Variants in GID4 observed in about 807,000 individuals in gnomAD.
The protein encoded by GID4 is glucose-induced degradation protein 4 homolog.
GID4 carries 7 observed loss-of-function variants against 32.4 expected under a neutral mutation model. The ratio of observed to expected loss-of-function variants is 0.22; its 90% CI spans 0.12 to 0.41. GID4 has a LOEUF of 0.41. Ranked by LOEUF, GID4 falls within the 10% of genes least tolerant of loss-of-function variation. The probability of loss-of-function intolerance (pLI) is 1.00; values close to 1 mark genes in which losing one functional copy is unlikely to be tolerated. For synonymous variants in GID4, 166 were observed against 170.0 expected (o/e 0.98, Z 0.18); for missense variants, 309 against 400.0 (o/e 0.77, Z 1.94).
At chr17:18,065,091 G>A (rs2045048583) in intron 5 of GID4, 89 bp from the exon 6 acceptor site, 1 of 890,618 alleles carries the variant, frequency 1.1e-6, no homozygotes, top group African/African-American at 1.6e-5. Flanking sequence ...TGACTTGTTG[G>A]GTGCTCTGCT....
At chr17:18,046,074 AGGAGGTAGCT>A (rs2044850515) in intron 2 of GID4, among the ~76,000 whole-genome samples, 1 of 152,282 alleles carries the variant, frequency 6.6e-6, no homozygotes, top group Middle Eastern at 3.4e-3. Flanking sequence ...AGGAAGTGGA[AGGAGGTAGCT>A]GGACTGGCCC....
chr17:18,052,305 G>C (rs2044918797), intron 2 of GID4, among the ~76,000 whole-genome samples: 1 of 152,102 alleles, frequency 6.6e-6, no homozygotes, highest in Non-Finnish European at 1.5e-5. Flanking sequence ...CCTAAAGCAG[G>C]CCTCCTGAGC....
chr17:18,064,253 C>T (rs979217829), intron 5 of GID4, among the ~76,000 whole-genome samples: 7 of 152,160 alleles, frequency 4.6e-5, no homozygotes, highest in Non-Finnish European at 1.0e-4. Flanking sequence ...CTGTTTCCCA[C>T]AGCAGCTGCA....
At chr17:18,057,935 G>A (rs901346468) in intron 3 of GID4, among the ~76,000 whole-genome samples, 9 of 151,956 alleles carry the variant, frequency 5.9e-5, no homozygotes, top group East Asian at 1.9e-4. Context: ...CCGGGTTCAC[G>A]CCATTCTCCT....
rs968099683 is a variant in GID4, at chr17:18,054,097, C to T, written c.499-30C>T. ...AAGGTTAAAAACTCTCACTCAACAT[C>T]TTATTTTGATATTTGGGTTTTTACC... On this transcript the variant is annotated intron_variant, in intron 2 of 5. Coordinates refer to ENST00000268719, the MANE Select transcript of GID4 (RefSeq NM_024052.5). 2.3e-5 allele frequency: 28 copies of T among 1,241,538 alleles called. No individual in the cohort carries two copies. The Admixed American group carries it at 5.2e-4, about 23-fold the overall frequency. The allele number at this position is 1,241,538 out of a possible 1,614,324, so 76.9% of individuals were successfully genotyped here. A position where few individuals can be genotyped will look rare whatever the true frequency, so the allele number is the denominator to read the frequency against.
At position 18,067,720 on chromosome 17, in the gene GID4, A is replaced by G. The variant is rs1166803636; in HGVS notation, c.*2477A>G. 6.6e-6 allele frequency: 1 copy of G among 152,598 alleles called. No individual in the cohort carries two copies. The highest frequency in any genetic ancestry group is 2.1e-4 in the South Asian group (1 of 4,828). The allele number at this position is 152,598 out of a possible 1,614,324, so 9.5% of individuals were successfully genotyped here. On this transcript the variant is annotated 3_prime_UTR_variant, in exon 6 of 6. Coordinates refer to ENST00000268719, the MANE Select transcript of GID4 (RefSeq NM_024052.5). ...TTACATGCCTCTGAAACTATGTGCA[A>G]TATTTTTGGTTGACACTTGTATCCA...
Position 18,039,418 on chromosome 17 carries a change from CTG to C in GID4, c.-39_-38del, listed in dbSNP as rs1302966349. On this transcript the variant is annotated 5_prime_UTR_variant, in exon 1 of 6. Coordinates refer to ENST00000268719, the MANE Select transcript of GID4 (RefSeq NM_024052.5). The surrounding 1 kb of genome is among the most constrained non-coding windows in gnomAD (Gnocchi z 5.3). ...CGGAAGGGGCGGGGTGTGTGTGTGT[CTG>C]TGTGTGTTTGTGTGTTGTGTGTCTG... 2.4e-6 allele frequency: 3 copies of C among 1,264,508 alleles called. No individual in the cohort carries two copies. The highest frequency in any genetic ancestry group is 3.0e-5 in the Admixed American group (1 of 33,080). 78.3% of individuals were successfully genotyped at this position (1,264,508 alleles called of 1,614,324 possible).
At chr17:18,058,835 A>T in intron 3 of GID4, 33 bp from the exon 4 acceptor site, 1 of 1,329,516 alleles carries the variant, frequency 7.5e-7, no homozygotes. Context: ...TCCTTCTCTC[A>T]GTCAATCGGC....
chr17:18,049,523 C>A (rs2044889150), intron 2 of GID4, among the ~76,000 whole-genome samples: 1 of 152,024 alleles, frequency 6.6e-6, no homozygotes, highest in Admixed American at 6.6e-5. Flanking sequence ...ACCTATGTAA[C>A]TGTTGTGGAG....
chr17:18,061,770 CT>C lies in GID4; in HGVS notation c.709-74del, dbSNP rs1484931451. On this transcript the variant is annotated intron_variant, in intron 4 of 5. Transcript: ENST00000268719. The surrounding 1 kb of genome is among the most constrained non-coding windows in gnomAD (Gnocchi z 4.4). Reference sequence around the variant, plus strand: ...TTTCTCGAGTGGTCCTTAGAACCCCCTGATGCTTAACAGGGAGGCCCCGTGG... The same window carrying C: ...TTTCTCGAGTGGTCCTTAGAACCCCCGATGCTTAACAGGGAGGCCCCGTGG... The C allele has an allele frequency of 3.5e-6, 5 of 1,448,278 alleles. No homozygotes were observed. The highest frequency in any genetic ancestry group is 3.4e-5 in the Admixed American group (2 of 59,462). The allele number at this position is 1,448,278 out of a possible 1,614,324, so 89.7% of individuals were successfully genotyped here. A position where few individuals can be genotyped will look rare whatever the true frequency, so the allele number is the denominator to read the frequency against.
chr17:18,060,880 C>T (rs945961436), intron 4 of GID4, among the ~76,000 whole-genome samples: 1 of 152,054 alleles, frequency 6.6e-6, no homozygotes, highest in Non-Finnish European at 1.5e-5. Context: ...ATTACAGGTG[C>T]CCGCCAACAT....
chr17:18,056,051 C>T (rs1217397868), intron 3 of GID4, among the ~76,000 whole-genome samples: 1 of 152,092 alleles, frequency 6.6e-6, no homozygotes, highest in Non-Finnish European at 1.5e-5. Flanking sequence ...GACAAGGTTT[C>T]GCCATGTTGG....
chr17:18,054,883 G>A (rs1302429752), intron 3 of GID4, among the ~76,000 whole-genome samples: 1 of 152,122 alleles, frequency 6.6e-6, no homozygotes, highest in Non-Finnish European at 1.5e-5. Flanking sequence ...TCAAAAATCA[G>A]TGTCTCGGCT....
rs1254698143 is a variant in GID4 at position 18,045,144 on chromosome 17, C to T, written c.439-3C>T. On this transcript the variant is annotated splice_region_variant and splice_polypyrimidine_tract_variant and intron_variant, in intron 1 of 5. Coordinates refer to ENST00000268719, the MANE Select transcript of GID4 (RefSeq NM_024052.5). ...TGACAGGCTGTGTATCCTTTCTTTTCAGCACGTGGACACGGGGAACTCTTA... is the reference window on the plus strand; with the variant it reads ...TGACAGGCTGTGTATCCTTTCTTTTTAGCACGTGGACACGGGGAACTCTTA... 2.0e-5 allele frequency: 33 copies of T among 1,611,558 alleles called. No individual in the cohort carries two copies. Among genetic ancestry groups the T allele is most frequent in the Non-Finnish European group, 2.8e-5 (33 of 1,177,748 alleles).
At chr17:18,049,827 A>G (rs2044892803) in intron 2 of GID4, among the ~76,000 whole-genome samples, 1 of 151,976 alleles carries the variant, frequency 6.6e-6, no homozygotes, top group South Asian at 2.1e-4. Context: ...ATGGGGTTTC[A>G]CCATGTTGGC....
At chr17:18,059,789 T>C (rs1245722017) in intron 4 of GID4, among the ~76,000 whole-genome samples, 1 of 152,016 alleles carries the variant, frequency 6.6e-6, no homozygotes, top group African/African-American at 2.4e-5. Context: ...CTAACCACTT[T>C]AGGAAGTGGG....
At chr17:18,055,779 T>A (rs2044961161) in intron 3 of GID4, among the ~76,000 whole-genome samples, 1 of 149,420 alleles carries the variant, frequency 6.7e-6, no homozygotes, top group Non-Finnish European at 1.5e-5. Flanking sequence ...TGTGAGCCAC[T>A]GACCCAACCT....
At position 18,039,935 on chromosome 17, in the gene GID4, C is replaced by T; in HGVS notation, c.438+33C>T. 3 of 1,336,396 alleles carry T rather than the reference C, an allele frequency of 2.2e-6. No individual in the cohort carries two copies. The highest frequency in any genetic ancestry group is 3.5e-5 in the Admixed American group (1 of 28,414). 82.8% of individuals were successfully genotyped at this position (1,336,396 alleles called of 1,614,324 possible). A position where few individuals can be genotyped will look rare whatever the true frequency, so the allele number is the denominator to read the frequency against. On this transcript the variant is annotated intron_variant, in intron 1 of 5. Transcript: ENST00000268719. This position sits in a 1 kb window ranked among gnomAD's most constrained non-coding sequence, Gnocchi z 5.3. Reference sequence around the variant, plus strand: ...CCGGGCCGGGCCGGGGCCCGAGGGCCTCCTCGCGGCGCTCACGGGCCGTGC... The same window carrying T: ...CCGGGCCGGGCCGGGGCCCGAGGGCTTCCTCGCGGCGCTCACGGGCCGTGC...
chr17:18,056,570 CTA>C, intron 3 of GID4: 1 of 813,728 alleles, frequency 1.2e-6, no homozygotes, highest in Non-Finnish European at 1.9e-6. Flanking sequence ...CCATTCAACT[CTA>C]TTTTCCATTT....
Sources: allele counts gnomAD v4.1 joint callset (sites outside exome capture counted in the v4.1 genomes callset), GRCh38; gene constraint gnomAD v4.1.1; non-coding constraint Gnocchi (gnomAD v3.1); transcripts MANE v1.5; gene names NCBI Gene and HGNC (gene_info 2026-07-23, HGNC 2026-07-21).